The following KNTC1 variants were observed in gnomAD, a reference collection of about 807,000 sequenced individuals.
The protein encoded by KNTC1 is kinetochore associated 1, also known as kinetochore-associated protein 1.
Under a neutral mutation model 314.4 loss-of-function variants are expected in KNTC1, and 253 were observed. The ratio of observed to expected loss-of-function variants is 0.80; its 90% CI spans 0.73 to 0.89. KNTC1 has a LOEUF of 0.89. Ranked by LOEUF, KNTC1 falls within the 40% of genes least tolerant of loss-of-function variation. KNTC1 has a pLI of 0.00. For missense variants in KNTC1, 2,475 were observed against 2,572.9 expected, an observed-to-expected ratio of 0.96 and a Z score of 0.82; for synonymous variants, 901 against 901.4, an observed-to-expected ratio of 1.00 and a Z score of 0.01.
chr12:122,602,947 T>C (rs1872133635), intron 47 of KNTC1, 60 bp downstream of exon 47: 1 of 1,546,128 alleles, frequency 6.5e-7, no homozygotes. Context: ...TGACCCCGTA[T>C]AGAAGATTTT....
In KNTC1 at chr12:122,568,389, T is replaced by G. The variant is rs11058777; in HGVS notation, c.1716+17T>G. On this transcript the variant is annotated intron_variant, in intron 21 of 63. Coordinates refer to ENST00000333479, the MANE Select transcript of KNTC1 (RefSeq NM_014708.6). ...CGACATCGGGTAACATGTTTTACAT[T>G]TTTTCCTTAACAGCTTTATAGCTCC... 8.0e-3 allele frequency: 11,245 copies of G among 1,402,020 alleles called. 715 individuals are homozygous for G. In the African/African-American group the frequency reaches 0.14, roughly 17 times the overall value. The allele number at this position is 1,402,020 out of a possible 1,614,324, so 86.8% of individuals were successfully genotyped here.
chr12:122,605,174 ATT>A, intron 50 of KNTC1, 87 bp downstream of exon 50: 1 of 1,214,842 alleles, frequency 8.2e-7, no homozygotes, highest in Non-Finnish European at 1.2e-6. Flanking sequence ...GTACATATAT[ATT>A]ACTTACATAT....
At chr12:122,535,297 C>G (rs1961701404) in intron 3 of KNTC1, among the ~76,000 whole-genome samples, 1 of 151,344 alleles carries the variant, frequency 6.6e-6, no homozygotes, top group Non-Finnish European at 1.5e-5. Context: ...GCTGAGGCCA[C>G]CAGATCACTT....
Position 122,580,662 on chromosome 12 carries a change from A to G in KNTC1, c.2974A>G (p.Ser992Gly). 2 of 1,560,142 alleles carry G rather than the reference A, an allele frequency of 1.3e-6. No individual in the cohort carries two copies. Reference sequence around the variant, plus strand: ...GTTGAAACTATTTAAAGAGGTTGCTAGCTTACAGGTAAACATATTGAGCCA... The same window carrying G: ...GTTGAAACTATTTAAAGAGGTTGCTGGCTTACAGGTAAACATATTGAGCCA... ...EMLKLFKEVA[S>G]LQENFEVFLS... is the part of the protein sequence containing the mutation. The change falls in exon 33 of 64, where the codon AGC becomes GGC. Residue 992 changes from serine (S) to glycine (G), a missense_variant. Coordinates refer to ENST00000333479, the MANE Select transcript of KNTC1 (RefSeq NM_014708.6).
intron 46 of KNTC1, 30 bp from the exon 47 acceptor site, chr12:122,602,799 C>G: frequency 6.2e-7 from 1 of 1,610,430 alleles, no homozygotes. Flanking sequence ...TTTTCTTAAG[C>G]AAATCGTACT....
At position 122,602,552 on chromosome 12, in the gene KNTC1, T is replaced by A. The variant is rs754902328; in HGVS notation, c.4654-17T>A. ...TGGGTTACTCTTACTGGACAAAAGTTTTTTATTTTAATATAGGCATTGAGT... is the reference window on the plus strand; with the variant it reads ...TGGGTTACTCTTACTGGACAAAAGTATTTTATTTTAATATAGGCATTGAGT... On this transcript the variant is annotated splice_polypyrimidine_tract_variant and intron_variant, in intron 45 of 63. Transcript: ENST00000333479. 1 of 1,557,168 alleles carries A rather than the reference T, an allele frequency of 6.4e-7. No individual in the cohort carries two copies. The highest frequency in any genetic ancestry group is 8.8e-7 in the Non-Finnish European group (1 of 1,140,130).
At chr12:122,542,638 G>A (rs1321462937) in intron 6 of KNTC1, among the ~76,000 whole-genome samples, 5 of 152,092 alleles carry the variant, frequency 3.3e-5, no homozygotes, top group East Asian at 1.9e-4. Flanking sequence ...GGTGGCAGGC[G>A]CCTGTAATCC....
chr12:122,601,142 G>T (rs1408218660), intron 44 of KNTC1, among the ~76,000 whole-genome samples: 1 of 151,832 alleles, frequency 6.6e-6, no homozygotes, highest in Non-Finnish European at 1.5e-5. Context: ...GAGTGCAGTG[G>T]CGCAATCTCA....
At chr12:122,613,069 AT>A in intron 53 of KNTC1, 42 bp from the exon 54 acceptor site, 1 of 988,828 alleles carries the variant, frequency 1.0e-6, no homozygotes, top group Non-Finnish European at 1.6e-6. Context: ...CCCAACTACA[AT>A]GTGCAGGTGT....
chr12:122,568,408 T>C (rs1405393599), intron 21 of KNTC1, 36 bp downstream of exon 21: 2 of 1,133,868 alleles, frequency 1.8e-6, no homozygotes, highest in Non-Finnish European at 2.7e-6. Flanking sequence ...AACAGCTTTA[T>C]AGCTCCTGAG....
At chr12:122,538,247 G>T (rs1962003341) in intron 3 of KNTC1, 92 bp from the exon 4 acceptor site, 3 of 689,978 alleles carry the variant, frequency 4.3e-6, no homozygotes, top group Admixed American at 5.5e-5. Context: ...TTAAGTAATC[G>T]TTGGCTTTTT....
intron 47 of KNTC1, 48 bp from the exon 48 acceptor site, chr12:122,602,979 C>A (rs1352271660): frequency 6.4e-7 from 1 of 1,570,636 alleles, no homozygotes; most frequent in South Asian, 1.1e-5. Context: ...CATGTAAAAC[C>A]TTATATGTGA....
chr12:122,607,272 C>T (rs1442715424), intron 51 of KNTC1, among the ~76,000 whole-genome samples: 5 of 152,162 alleles, frequency 3.3e-5, no homozygotes, highest in Admixed American at 1.3e-4. Flanking sequence ...CCATGTTGGC[C>T]GGGCTGGTCT....
chr12:122,601,785 AAG>A (rs1349102453), intron 45 of KNTC1, 160 bp downstream of exon 45: 1 of 775,678 alleles, frequency 1.3e-6, no homozygotes, highest in East Asian at 3.9e-5. Flanking sequence ...TCTTTAAAAA[AAG>A]AAAAAGATTT....
chr12:122,589,812 CT>C (rs1299543773), intron 40 of KNTC1, among the ~76,000 whole-genome samples: 1 of 115,822 alleles, frequency 8.6e-6, no homozygotes, highest in Non-Finnish European at 1.6e-5. Context: ...GAGACGGAGT[CT>C]CGCACTCTCA....
At chr12:122,554,486 G>A (rs1963438900) in intron 16 of KNTC1, among the ~76,000 whole-genome samples, 1 of 152,178 alleles carries the variant, frequency 6.6e-6, no homozygotes, top group African/African-American at 2.4e-5. Context: ...TGGTTGGGAG[G>A]AAGAGGATGA....
At chr12:122,620,197 C>G in intron 59 of KNTC1, 3 of 176,062 alleles carry the variant, frequency 1.7e-5, no homozygotes. Context: ...GGTTTTGAGT[C>G]TTCTGAGAAT....
chr12:122,549,892 C>A (rs761059251), intron 13 of KNTC1, 28 bp downstream of exon 13: 7 of 1,200,448 alleles, frequency 5.8e-6, no homozygotes, highest in Non-Finnish European at 8.4e-6. Context: ...TTAAAGTATT[C>A]TTTTAACTAC....
At chr12:122,605,874 C>T (rs191358741) in intron 51 of KNTC1, among the ~76,000 whole-genome samples, 136 of 151,764 alleles carry the variant, frequency 9.0e-4, no homozygotes, top group African/African-American at 2.9e-3. Context: ...GACAGAGTTT[C>T]GCTCTGTCAC....
Sources: allele counts gnomAD v4.1 joint callset (sites outside exome capture counted in the v4.1 genomes callset), GRCh38; gene constraint gnomAD v4.1.1; transcripts MANE v1.5; gene names NCBI Gene and HGNC (gene_info 2026-07-23, HGNC 2026-07-21).